Variants in FBXW11 observed in about 807,000 individuals in gnomAD.
The protein encoded by FBXW11 is F-box and WD repeat domain containing 11.
FBXW11 carries 19 observed loss-of-function variants against 77.6 expected under a neutral mutation model. The ratio of observed to expected loss-of-function variants is 0.24; its 90% CI spans 0.17 to 0.36. The LOEUF (loss-of-function observed/expected upper bound fraction) is 0.36, where lower values mean the gene tolerates loss of function less well. Among genes scored for constraint, FBXW11 ranks in the 10% least tolerant of loss-of-function variants. The pLI is 1.00. For missense variants in FBXW11, 334 were observed against 704.2 expected (o/e 0.47, Z 5.95); for synonymous variants, 235 against 249.4 (o/e 0.94, Z 0.54).
chr5:171,922,112 A>G (rs1459209527), intron 2 of FBXW11, among the ~76,000 whole-genome samples: 1 of 152,122 alleles, frequency 6.6e-6, no homozygotes, highest in Non-Finnish European at 1.5e-5. Context: ...GGCTTGATTT[A>G]CTAGATATAT....
intron 3 of FBXW11, among the ~76,000 whole-genome samples, chr5:171,913,836 C>CATACACACAT (rs747341430): frequency 7.2e-6 from 1 of 138,302 alleles, no homozygotes. Context: ...CACACACACA[C>CATACACACAT]ACACACACAC....
intron 1 of FBXW11, among the ~76,000 whole-genome samples, chr5:172,006,069 G>T (rs1395502653): frequency 6.6e-6 from 1 of 152,134 alleles, no homozygotes; most frequent in Admixed American, 6.6e-5. Flanking sequence ...CCTGAGTGGG[G>T]CTTGCAAGCG....
chr5:171,994,323 C>T (rs1194430556), intron 1 of FBXW11, among the ~76,000 whole-genome samples: 1 of 152,144 alleles, frequency 6.6e-6, no homozygotes, highest in Non-Finnish European at 1.5e-5. Context: ...TTAGTTTCCT[C>T]ACCAGTAGGG....
intron 2 of FBXW11, among the ~76,000 whole-genome samples, chr5:171,938,847 G>A (rs939317554): frequency 6.6e-6 from 1 of 152,220 alleles, no homozygotes; most frequent in Non-Finnish European, 1.5e-5. Flanking sequence ...GAAGGCCCCT[G>A]TTGACTGATA....
intron 2 of FBXW11, among the ~76,000 whole-genome samples, chr5:171,955,161 G>C (rs1426848896): frequency 6.6e-6 from 1 of 152,198 alleles, no homozygotes; most frequent in Non-Finnish European, 1.5e-5. Context: ...GAAACTTCCG[G>C]AATGGGTAAA....
rs1209943578 is a variant in FBXW11, at chr5:171,918,134, T to C, written c.148-3729A>G. ...CAGTCCTCTCCTATTCCCCATCATCTTTCTCAGCCTGCTACAGGTTGAGCA... is the reference window on the plus strand; with the variant it reads ...CAGTCCTCTCCTATTCCCCATCATCCTTCTCAGCCTGCTACAGGTTGAGCA... On this transcript the variant is annotated intron_variant, in intron 2 of 13. Coordinates refer to ENST00000517395, the MANE Select transcript of FBXW11 (RefSeq NM_001378974.1). Among the ~76,000 whole-genome samples the C allele has an allele frequency of 2.0e-5, 3 of 152,070 alleles. No individual in the cohort carries two copies. The South Asian group carries it at 6.2e-4, about 31-fold the overall frequency.
intron 1 of FBXW11, among the ~76,000 whole-genome samples, chr5:171,976,209 C>T (rs1234999856): frequency 6.6e-6 from 1 of 152,024 alleles, no homozygotes; most frequent in Non-Finnish European, 1.5e-5. Flanking sequence ...TGGTTTAGAA[C>T]CAGAGAGGGG....
At chr5:172,004,058 T>C (rs6555981) in intron 1 of FBXW11, among the ~76,000 whole-genome samples, 21,261 of 152,186 alleles carry the variant, frequency 0.14, 2,820 homozygotes, top group African/African-American at 0.35. Context: ...TCAATCGTAT[T>C]ATCTTGAAAC....
intron 1 of FBXW11, among the ~76,000 whole-genome samples, chr5:171,977,322 A>AAAAG (rs1244655366): frequency 6.6e-6 from 1 of 151,844 alleles, no homozygotes; most frequent in Non-Finnish European, 1.5e-5. Flanking sequence ...AAAAAAAAAA[A>AAAAG]AAAGAAAGAA....
chr5:171,914,399 A>C lies in FBXW11; in HGVS notation c.154T>G (p.Ser52Ala). Residue 52 changes from serine (S) to alanine (A), a missense_variant, in exon 3 of 14, where the codon TCA becomes GCA. Around this residue, in one of 10 missense-constraint regions of FBXW11, gnomAD observed 80 missense variants for 105.1 expected, o/e 0.76. Coordinates refer to ENST00000517395, the MANE Select transcript of FBXW11 (RefSeq NM_001378974.1). Reference protein sequence around the residue: ...MPSVRCLQNTSVMEDQNEDES... With the variant: ...MPSVRCLQNTAVMEDQNEDES... Reference sequence around the variant, plus strand: ...TCTTCATTTTGATCTTCCATAACTGAAGTGTTCTAGGGGGGGAAAAACAGG... The same window carrying C: ...TCTTCATTTTGATCTTCCATAACTGCAGTGTTCTAGGGGGGGAAAAACAGG... 6.2e-7 allele frequency: 1 copy of C among 1,602,030 alleles called. No homozygotes were observed. The highest frequency in any genetic ancestry group is 8.5e-7 in the Non-Finnish European group (1 of 1,175,692).
At chr5:171,967,466 A>G (rs1764251416) in intron 1 of FBXW11, among the ~76,000 whole-genome samples, 1 of 152,234 alleles carries the variant, frequency 6.6e-6, no homozygotes, top group African/African-American at 2.4e-5. Context: ...CAATACACGG[A>G]AAGAATTCAA....
At chr5:171,963,597 T>C (rs2113362673) in intron 1 of FBXW11, among the ~76,000 whole-genome samples, 1 of 152,324 alleles carries the variant, frequency 6.6e-6, no homozygotes, top group South Asian at 2.1e-4. Flanking sequence ...ATGACTTTTT[T>C]TTCTGCAACT....
intron 13 of FBXW11, among the ~76,000 whole-genome samples, chr5:171,867,360 A>C (rs1459268444): frequency 6.6e-6 from 1 of 152,240 alleles, no homozygotes; most frequent in Non-Finnish European, 1.5e-5. Context: ...ACTGCAATTT[A>C]AATTTCATTT....
At chr5:171,987,461 G>GT (rs1428285448) in intron 1 of FBXW11, among the ~76,000 whole-genome samples, 2 of 151,542 alleles carry the variant, frequency 1.3e-5, no homozygotes, top group Non-Finnish European at 2.9e-5. Flanking sequence ...TTGTTTGTTT[G>GT]TTTTTTTGAG....
rs561623644 is a variant in FBXW11 at position 171,944,400 on chromosome 5, C to G, written c.147+13197G>C. Among the ~76,000 whole-genome samples, 30 of 151,544 alleles carry G rather than the reference C, an allele frequency of 2.0e-4. No individual in the cohort carries two copies. The South Asian group carries it at 6.3e-3, about 32-fold the overall frequency. On this transcript the variant is annotated intron_variant, in intron 2 of 13. Transcript: ENST00000517395. ...ACCATCCTGGCTAACATGGTGAAAC[C>G]CCATCTCTACTAAAAATACAAAAAA... is the stretch of plus-strand genomic sequence containing the variant.
chr5:171,891,360 T>C lies in FBXW11; in HGVS notation c.852+107A>G, dbSNP rs898632542. On this transcript the variant is annotated intron_variant, in intron 7 of 13. Coordinates refer to ENST00000517395, the MANE Select transcript of FBXW11 (RefSeq NM_001378974.1). ...TACACTGAGAGCTGCCAAGATTGAG[T>C]GGAAGAGATAAAAACCAATCTAGAG... is the stretch of plus-strand genomic sequence containing the variant. 4 of 1,029,986 alleles carry C rather than the reference T, an allele frequency of 3.9e-6. No homozygotes were observed. In the African/African-American group the frequency reaches 6.6e-5, roughly 17 times the overall value. The allele number at this position is 1,029,986 out of a possible 1,614,324, so 63.8% of individuals were successfully genotyped here. A position where few individuals can be genotyped will look rare whatever the true frequency, so the allele number is the denominator to read the frequency against.
chr5:171,989,598 T>A, intron 1 of FBXW11, among the ~76,000 whole-genome samples: 1 of 152,248 alleles, frequency 6.6e-6, no homozygotes, highest in East Asian at 1.9e-4. Context: ...TTACACATCC[T>A]ACAAGACAAC....
At chr5:171,891,911 G>C (rs1183881948) in intron 6 of FBXW11, among the ~76,000 whole-genome samples, 2 of 151,998 alleles carry the variant, frequency 1.3e-5, no homozygotes, top group African/African-American at 4.8e-5. Context: ...CCCAAAACAT[G>C]CAAATAAATA....
chr5:171,928,337 G>T (rs1004197291), intron 2 of FBXW11, among the ~76,000 whole-genome samples: 4 of 152,152 alleles, frequency 2.6e-5, no homozygotes, highest in African/African-American at 7.2e-5. Flanking sequence ...ACTATCTACA[G>T]ATTTAATGCA....
Sources: gnomAD v4.1 joint callset for allele counts (sites outside exome capture counted in the v4.1 genomes callset) on GRCh38, gnomAD v4.1.1 for gene constraint, gnomAD v4.1.1 regional missense constraint, MANE v1.5 for transcripts, NCBI Gene and HGNC (gene_info 2026-07-23, HGNC 2026-07-21) for gene names.